The following RASSF3 variants were observed in gnomAD, a reference collection of about 807,000 sequenced individuals.
RASSF3 encodes Ras association domain family member 3, also known as ras association domain-containing protein 3.
RASSF3 carries 19 observed loss-of-function variants against 19.9 expected under a neutral mutation model. The observed-to-expected ratio is 0.96, with a 90% CI of 0.67 to 1.40. RASSF3 has a LOEUF of 1.40. Among genes scored for constraint, RASSF3 ranks in the 40% most tolerant of loss-of-function variants. RASSF3 has a pLI of 0.00. For synonymous variants in RASSF3, 110 were observed against 104.2 expected, an observed-to-expected ratio of 1.06 and a Z score of -0.34; for missense variants, 306 against 289.8, an observed-to-expected ratio of 1.06 and a Z score of -0.41.
At chr12:64,669,556 C>T (rs77164989) in intron 1 of RASSF3, among the ~76,000 whole-genome samples, 9,722 of 152,096 alleles carry the variant, frequency 0.064, 375 homozygotes, top group Non-Finnish European at 0.09. Context: ...AATGCTAAGG[C>T]GTTCATTATG....
chr12:64,677,179 A>G (rs972549500), intron 1 of RASSF3, among the ~76,000 whole-genome samples: 4 of 152,144 alleles, frequency 2.6e-5, no homozygotes. Context: ...AATGTTTACT[A>G]CAGTAATTAG....
upstream of RASSF3, among the ~76,000 whole-genome samples, chr12:64,531,345 T>C (rs1029777747): frequency 8.5e-5 from 13 of 152,252 alleles, no homozygotes; most frequent in African/African-American, 2.7e-4. Flanking sequence ...TTTACCTTTA[T>C]TGAAAATCAG....
upstream of RASSF3, among the ~76,000 whole-genome samples, chr12:64,607,680 CTTTA>C (rs1227244219): frequency 2.0e-5 from 3 of 151,960 alleles, no homozygotes; most frequent in Admixed American, 1.3e-4. Context: ...CGGCCCTTTC[CTTTA>C]TTTATGTTTT....
At chr12:64,583,823 C>T (rs940943632) in intron 2 of RASSF3, among the ~76,000 whole-genome samples, 4 of 152,152 alleles carry the variant, frequency 2.6e-5, no homozygotes, top group Admixed American at 1.3e-4. Context: ...CGTCCACTTC[C>T]TGTTTTCTTT....
chr12:64,529,597 A>G (rs1868662685), upstream of RASSF3, among the ~76,000 whole-genome samples: 1 of 152,196 alleles, frequency 6.6e-6, no homozygotes, highest in Non-Finnish European at 1.5e-5. Flanking sequence ...AGGAGAGCAG[A>G]AAGATGTAAA....
intron 1 of RASSF3, among the ~76,000 whole-genome samples, chr12:64,672,890 T>C (rs910664220): frequency 6.6e-6 from 1 of 152,204 alleles, no homozygotes; most frequent in East Asian, 1.9e-4. Context: ...GCAGAGTGGC[T>C]ACTCCATTTG....
chr12:64,692,174 C>G (rs1041957151), intron 4 of RASSF3, among the ~76,000 whole-genome samples: 5 of 152,288 alleles, frequency 3.3e-5, no homozygotes, highest in Non-Finnish European at 5.9e-5. Flanking sequence ...TGAGCCTGCC[C>G]TCTAGATCAA....
intron 1 of RASSF3, among the ~76,000 whole-genome samples, chr12:64,642,665 A>G (rs1399150554): frequency 1.1e-5 from 1 of 87,382 alleles, no homozygotes; most frequent in Admixed American, 1.1e-4. Context: ...AATTAATACA[A>G]AGTTTTGTAA....
intron 2 of RASSF3, among the ~76,000 whole-genome samples, chr12:64,574,291 A>G (rs1466990034): frequency 1.3e-5 from 2 of 151,648 alleles, no homozygotes; most frequent in African/African-American, 4.8e-5. Context: ...AGCCTGGGCG[A>G]CAGAGCGAGA....
chr12:64,683,077 C>T (rs560573822), intron 1 of RASSF3, among the ~76,000 whole-genome samples: 15 of 152,260 alleles, frequency 9.9e-5, no homozygotes, highest in Admixed American at 5.2e-4. Flanking sequence ...TTATCTGTAA[C>T]GTAGGGGTGC....
At chr12:64,599,876 C>G (rs955105840) in intron 2 of RASSF3, among the ~76,000 whole-genome samples, 10 of 151,444 alleles carry the variant, frequency 6.6e-5, no homozygotes, top group Middle Eastern at 3.4e-3. Context: ...ACTAAAAATA[C>G]AAAAAATTAG....
At chr12:64,631,305 G>T (rs1180902000) in intron 1 of RASSF3, among the ~76,000 whole-genome samples, 2 of 152,130 alleles carry the variant, frequency 1.3e-5, no homozygotes, top group Non-Finnish European at 2.9e-5. Context: ...AAGCCAAGAA[G>T]GCCTGGGGTG....
rs142791229 is a variant in RASSF3, at chr12:64,512,459, G to T, written c.169+5130G>T. Among the ~76,000 whole-genome samples the T allele has an allele frequency of 3.6e-3, 541 of 152,170 alleles. 7 individuals carry two copies. The highest frequency in any genetic ancestry group is 0.012 in the African/African-American group (517 of 41,516). On this transcript the variant is annotated intron_variant, in intron 1 of 5. Coordinates refer to the RASSF3 transcript ENST00000637125. ...AGGGCCCCATCTCTGAAAAAAAAAGGCAGATTTTCTCTGTCTCTGAGAGGG... is the reference window on the plus strand; with the variant it reads ...AGGGCCCCATCTCTGAAAAAAAAAGTCAGATTTTCTCTGTCTCTGAGAGGG...
chr12:64,642,880 T>C (rs1290174533), intron 1 of RASSF3, among the ~76,000 whole-genome samples: 2 of 151,172 alleles, frequency 1.3e-5, no homozygotes, highest in African/African-American at 4.9e-5. Flanking sequence ...TTTTTTTTTT[T>C]CTTGAGATGG....
chr12:64,689,938 G>A (rs1270078464), intron 3 of RASSF3, among the ~76,000 whole-genome samples: 6 of 150,084 alleles, frequency 4.0e-5, no homozygotes, highest in South Asian at 4.2e-4. Context: ...ACAGGCGCCC[G>A]CCACCACGTC....
intron 1 of RASSF3, among the ~76,000 whole-genome samples, chr12:64,613,022 G>T (rs1870424839): frequency 6.6e-6 from 1 of 152,174 alleles, no homozygotes; most frequent in African/African-American, 2.4e-5. Flanking sequence ...AGTTGTAGAA[G>T]TTATTTGCCA....
chr12:64,565,178 A>G (rs2136127354), intron 2 of RASSF3, among the ~76,000 whole-genome samples: 1 of 152,216 alleles, frequency 6.6e-6, no homozygotes, highest in African/African-American at 2.4e-5. Flanking sequence ...AAAAAAAAAA[A>G]AAAGCCTGGT....
intron 2 of RASSF3, among the ~76,000 whole-genome samples, chr12:64,596,180 T>C (rs921619802): frequency 2.0e-5 from 3 of 152,274 alleles, no homozygotes; most frequent in Non-Finnish European, 4.4e-5. Flanking sequence ...TGGCTCTCTG[T>C]GCTTTGTTGA....
rs536513537 is a variant in RASSF3, at chr12:64,671,083, G to A, written c.112-13704G>A. On this transcript the variant is annotated intron_variant, in intron 1 of 4. Transcript: ENST00000542104. ...TGGGTGATGATACAGTTCCCTAAGGGGAGCTGCTGCCACCTCTGTGCTGGG... is the reference window on the plus strand; with the variant it reads ...TGGGTGATGATACAGTTCCCTAAGGAGAGCTGCTGCCACCTCTGTGCTGGG... Among the ~76,000 whole-genome samples the A allele has an allele frequency of 3.9e-5, 6 of 152,268 alleles. No homozygotes were observed. The East Asian group carries it at 1.2e-3, about 29-fold the overall frequency.
Sources: allele counts gnomAD v4.1 joint callset (sites outside exome capture counted in the v4.1 genomes callset), GRCh38; gene constraint gnomAD v4.1.1; transcripts MANE v1.5; gene names NCBI Gene and HGNC (gene_info 2026-07-23, HGNC 2026-07-21).